Variants in CACNA1A observed in about 807,000 individuals in gnomAD.
The protein encoded by CACNA1A is calcium voltage-gated channel subunit alpha1 A.
In CACNA1A, 57 loss-of-function variants were observed where a neutral mutation model predicts 262.4. That is an observed-to-expected ratio of 0.22 (90% confidence interval 0.18 to 0.27). The LOEUF (loss-of-function observed/expected upper bound fraction) is 0.27. Ranked by LOEUF, CACNA1A falls within the 10% of genes least tolerant of loss-of-function variation. CACNA1A has a pLI of 1.00. For missense variants in CACNA1A, 2,526 were observed against 3,562.8 expected (o/e 0.71, Z 7.41); for synonymous variants, 1,431 against 1,419.3 (o/e 1.01, Z -0.18).
At chr19:13,272,162 T>A (rs1003517375) in intron 24 of CACNA1A, 1 of 152,308 alleles carries the variant, frequency 6.6e-6, no homozygotes, top group Non-Finnish European at 1.5e-5. Context: ...AGCTTGGGCT[T>A]GGTACCATTT....
intron 3 of CACNA1A, among the ~76,000 whole-genome samples, chr19:13,372,417 C>G (rs1568582096): frequency 6.6e-6 from 1 of 152,112 alleles, no homozygotes; most frequent in Admixed American, 6.6e-5. Flanking sequence ...GGTGATCCAC[C>G]CGCCTCGGCC....
In CACNA1A at chr19:13,275,911, C is replaced by G; in HGVS notation, c.3928G>C (p.Asp1310His). The G allele has an allele frequency of 6.2e-7, 1 of 1,613,932 alleles. No individual in the cohort carries two copies. Among genetic ancestry groups the G allele is most frequent in the Non-Finnish European group, 8.5e-7 (1 of 1,179,844 alleles). ...LVLHQGAYFRDLWNILDFIVV... is the reference protein window; with the variant it reads ...LVLHQGAYFRHLWNILDFIVV... ...ATGAAGTCGAGAATATTCCAGAGGTCACGGAAGTAGGCACCCTGATGCAGG... is the reference window on the plus strand; with the variant it reads ...ATGAAGTCGAGAATATTCCAGAGGTGACGGAAGTAGGCACCCTGATGCAGG... Residue 1310 changes from aspartate to histidine, a missense_variant, in exon 24 of 47, where the codon GAC becomes CAC. Transcript: ENST00000360228.
At chr19:13,481,441 T>C (rs561676074) in intron 1 of CACNA1A, among the ~76,000 whole-genome samples, 3 of 149,898 alleles carry the variant, frequency 2.0e-5, no homozygotes, top group East Asian at 2.0e-4. Context: ...CCGTTCTCCA[T>C]GGAGGGGAAG....
chr19:13,231,791 G>C lies in CACNA1A; in HGVS notation c.5319C>G (p.Asn1773Lys). 6.2e-7 allele frequency: 1 copy of C among 1,613,846 alleles called. No individual in the cohort carries two copies. Among genetic ancestry groups the C allele is most frequent in the Non-Finnish European group, 8.5e-7 (1 of 1,179,768 alleles). ...CACACTCTCGAGTCAGGATGCCAGA[G>C]TTCTTATCACACGGTTTCCCGCTGA... ...SCLSGKPCDK[N>K]SGILTRECGN... The change falls in exon 35 of 47, where the codon AAC (asparagine) becomes AAG (lysine). Residue 1773 changes from asparagine (N) to lysine (K), a missense_variant. Physicochemically the swap from Asn to Lys is moderately conservative, Grantham distance 94. Around this residue, in one of 17 missense-constraint regions of CACNA1A, gnomAD observed 39 missense variants for 124.9 expected, o/e 0.31. Transcript: ENST00000360228.
chr19:13,206,635 C>CTCAA lies in CACNA1A; in HGVS notation c.*674_*677dup, dbSNP rs577946299. 3 of 153,800 alleles carry CTCAA rather than the reference C, an allele frequency of 2.0e-5. No individual in the cohort carries two copies. The highest frequency in any genetic ancestry group is 3.9e-4 in the East Asian group (2 of 5,178). The allele number at this position is 153,800 out of a possible 1,614,324, so 9.5% of individuals were successfully genotyped here. Reference sequence around the variant, plus strand: ...AATGTCAGAAAAAAATGCCTCTTTTCTCAATCATTAATTTTTTTGTCCTTT... The same window carrying CTCAA: ...AATGTCAGAAAAAAATGCCTCTTTTCTCAATCAATCATTAATTTTTTTGTCCTTT... On this transcript the variant is annotated 3_prime_UTR_variant, in exon 47 of 47. Coordinates refer to ENST00000360228, the MANE Select transcript of CACNA1A (RefSeq NM_001127222.2).
intron 38 of CACNA1A, among the ~76,000 whole-genome samples, chr19:13,221,015 C>T (rs2055197431): frequency 6.6e-6 from 1 of 151,042 alleles, no homozygotes; most frequent in Non-Finnish European, 1.5e-5. Flanking sequence ...CTGCCACTTC[C>T]TCCTTGAGTC....
intron 3 of CACNA1A, among the ~76,000 whole-genome samples, chr19:13,432,244 G>A (rs1283265963): frequency 3.3e-5 from 5 of 150,862 alleles, no homozygotes; most frequent in Admixed American, 2.0e-4. Flanking sequence ...GTGAAACCCC[G>A]TCTCTACTAA....
At chr19:13,222,721 G>T (rs112308728) in intron 38 of CACNA1A, among the ~76,000 whole-genome samples, 10 of 145,758 alleles carry the variant, frequency 6.9e-5, no homozygotes, top group African/African-American at 2.3e-4. Context: ...TTGAGACAGC[G>T]TCTTGCTCTG....
chr19:13,505,694 C>T (rs1028594392), intron 1 of CACNA1A, among the ~76,000 whole-genome samples: 12 of 151,500 alleles, frequency 7.9e-5, no homozygotes, highest in African/African-American at 2.9e-4. Flanking sequence ...ATCCACTCTC[C>T]GCTGCCCACC....
chr19:13,498,413 T>C (rs1306728048), intron 1 of CACNA1A, among the ~76,000 whole-genome samples: 2 of 152,134 alleles, frequency 1.3e-5, no homozygotes, highest in Non-Finnish European at 1.5e-5. Flanking sequence ...TATTATTTAC[T>C]GGCAAGTGGG....
In CACNA1A at chr19:13,380,749, G is replaced by GTTTATTTATTTA. The variant is rs758031682; in HGVS notation, c.540-8982_540-8971dup. 2.1e-3 allele frequency among the ~76,000 whole-genome samples: 167 copies of GTTTATTTATTTA among 81,004 alleles called. 1 individual carries two copies. Among genetic ancestry groups the GTTTATTTATTTA allele is most frequent in the Middle Eastern group, 6.4e-3 (1 of 156 alleles). The allele number at this position is 81,004 out of a possible 152,430, so 53.1% of individuals were successfully genotyped here. A position where few individuals can be genotyped will look rare whatever the true frequency, so the allele number is the denominator to read the frequency against. On this transcript the variant is annotated intron_variant, in intron 3 of 46. Coordinates refer to ENST00000360228, the MANE Select transcript of CACNA1A (RefSeq NM_001127222.2). ...CATTTATTGGTTTGTTTGTTTGTTT[G>GTTTATTTATTTA]TTTATTTATTTATTTATTTATTTAT...
At chr19:13,411,152 A>G (rs1249368005) in intron 3 of CACNA1A, among the ~76,000 whole-genome samples, 1 of 152,172 alleles carries the variant, frequency 6.6e-6, no homozygotes, top group Non-Finnish European at 1.5e-5. Flanking sequence ...TTTTGCACCA[A>G]CCTAATAGAT....
At position 13,308,421 on chromosome 19, in the gene CACNA1A, G is replaced by C. The variant is rs16012; in HGVS notation, c.1776C>G (p.Val592=). The C allele has an allele frequency of 0.018, 28,911 of 1,609,264 alleles. 358 individuals carry two copies. The highest frequency in any genetic ancestry group is 0.022 in the Non-Finnish European group (26,376 of 1,176,528). ...RALRLLRIFK[V]TKYWASLRNL... ...CAGGAACCCCAAAGACTTACTTTGTGACTTTGAAAATACGCAATAACCTGA... is the reference window on the plus strand; with the variant it reads ...CAGGAACCCCAAAGACTTACTTTGTCACTTTGAAAATACGCAATAACCTGA... Residue 592 remains valine (V), a synonymous_variant, in exon 13 of 47, where the codon GTC becomes GTG. Transcript: ENST00000360228. This position sits in a 1 kb window ranked among gnomAD's most constrained non-coding sequence, Gnocchi z 4.2.
At chr19:13,468,746 C>T (rs1025365686) in intron 1 of CACNA1A, among the ~76,000 whole-genome samples, 3 of 152,102 alleles carry the variant, frequency 2.0e-5, no homozygotes, top group Non-Finnish European at 4.4e-5. Context: ...AAGATCGTGC[C>T]GCTGCACTCC....
chr19:13,216,958 A>G (rs1315624068), intron 38 of CACNA1A, among the ~76,000 whole-genome samples: 1 of 151,980 alleles, frequency 6.6e-6, no homozygotes, highest in Non-Finnish European at 1.5e-5. Context: ...ACATGGTGAA[A>G]CCAGTCTCTA....
chr19:13,460,854 T>G (rs1261088651), intron 1 of CACNA1A, among the ~76,000 whole-genome samples: 1 of 152,150 alleles, frequency 6.6e-6, no homozygotes, highest in African/African-American at 2.4e-5. Flanking sequence ...CCCCTTAGCC[T>G]GCTTATTTTT....
At chr19:13,437,279 T>C (rs1483095862) in intron 3 of CACNA1A, among the ~76,000 whole-genome samples, 1 of 152,186 alleles carries the variant, frequency 6.6e-6, no homozygotes, top group African/African-American at 2.4e-5. Flanking sequence ...TGATAAGCTA[T>C]GTAAAGGATC....
At chr19:13,371,847 G>T in intron 3 of CACNA1A, 68 bp from the exon 4 acceptor site, 4 of 1,158,498 alleles carry the variant, frequency 3.5e-6, no homozygotes, top group East Asian at 5.1e-5. Context: ...GGGCGGGGGT[G>T]CTTGGGATTC....
chr19:13,280,756 T>C (rs1195807138), intron 22 of CACNA1A, among the ~76,000 whole-genome samples: 3 of 151,756 alleles, frequency 2.0e-5, no homozygotes, highest in South Asian at 2.1e-4. Flanking sequence ...GTCTGGCTGA[T>C]AGTGTGAAAC....
Sources: gnomAD v4.1 joint callset for allele counts (sites outside exome capture counted in the v4.1 genomes callset) on GRCh38, gnomAD v4.1.1 for gene constraint, gnomAD v4.1.1 regional missense constraint, Gnocchi (gnomAD v3.1) non-coding constraint, MANE v1.5 for transcripts, NCBI Gene and HGNC (gene_info 2026-07-23, HGNC 2026-07-21) for gene names.